The following TMEM14A variants were observed in gnomAD, a reference collection of about 807,000 sequenced individuals.
TMEM14A encodes transmembrane protein 14A.
TMEM14A carries 8 observed loss-of-function variants against 11.6 expected under a neutral mutation model. That is an observed-to-expected ratio of 0.69 (90% CI 0.40 to 1.24). The LOEUF is 1.24. TMEM14A is among the 50% of genes most tolerant of loss of function. The probability of loss-of-function intolerance (pLI) is 0.01; values close to 1 mark genes in which losing one functional copy is unlikely to be tolerated. For missense variants in TMEM14A, 108 were observed against 121.9 expected (o/e 0.89, Z 0.54); for synonymous variants, 34 against 45.5 (o/e 0.75, Z 1.02).
At chr6:52,681,760 T>C (rs960244564) in intron 2 of TMEM14A, 53 bp from the exon 3 acceptor site, 2 of 1,481,666 alleles carry the variant, frequency 1.3e-6, no homozygotes, top group Non-Finnish European at 9.4e-7. Context: ...ATGGAATGAA[T>C]TCCTTTCCTT....
At chr6:52,680,641 G>A (rs55844166) in intron 2 of TMEM14A, among the ~76,000 whole-genome samples, 236 of 19,120 alleles carry the variant, frequency 0.012, no homozygotes, top group Non-Finnish European at 0.024. Context: ...ATATATGTGT[G>A]TATATATATG....
intron 1 of TMEM14A, among the ~76,000 whole-genome samples, chr6:52,673,433 A>G (rs1264792973): frequency 6.7e-6 from 1 of 150,278 alleles, no homozygotes; most frequent in Non-Finnish European, 1.5e-5. Context: ...GATGTTTGCA[A>G]GCGGTTGTTT....
chr6:52,677,446 C>G (rs2127262789), intron 2 of TMEM14A, among the ~76,000 whole-genome samples: 1 of 151,320 alleles, frequency 6.6e-6, no homozygotes, highest in East Asian at 2.0e-4. Flanking sequence ...TTTAATCTCC[C>G]TCAGGACCAC....
At chr6:52,675,110 T>A (rs1356534755) in intron 1 of TMEM14A, among the ~76,000 whole-genome samples, 1 of 152,158 alleles carries the variant, frequency 6.6e-6, no homozygotes, top group Non-Finnish European at 1.5e-5. Context: ...CTCAAACTCC[T>A]GACCTGAAGT....
intron 1 of TMEM14A, 93 bp from the exon 2 acceptor site, chr6:52,676,994 A>G: frequency 8.3e-7 from 1 of 1,211,820 alleles, no homozygotes; most frequent in South Asian, 1.3e-5. Flanking sequence ...GTGGGGACAC[A>G]CAGCCAAACC....
At position 52,684,548 on chromosome 6, in the gene TMEM14A, A is replaced by C. The variant is rs1413833410; in HGVS notation, c.260+383A>C. Among the ~76,000 whole-genome samples, 3 of 152,224 alleles carry C rather than the reference A, an allele frequency of 2.0e-5. No homozygotes were observed. The East Asian group carries it at 5.8e-4, about 29-fold the overall frequency. ...GTGACAGTGTGATACAGTTATTTCA[A>C]GTTTTTAAGGGACAGAAATTTAATA... On this transcript the variant is annotated intron_variant, in intron 4 of 4. Transcript: ENST00000211314.
chr6:52,683,972 C>A, intron 3 of TMEM14A, 106 bp from the exon 4 acceptor site: 1 of 1,027,492 alleles, frequency 9.7e-7, no homozygotes, highest in Non-Finnish European at 1.4e-6. Context: ...CAGTACCTAT[C>A]CATAATAGTT....
Position 52,682,976 on chromosome 6 carries a change from A to AT in TMEM14A, c.172+1072dup, listed in dbSNP as rs916500171. Among the ~76,000 whole-genome samples the AT allele has an allele frequency of 1.9e-4, 28 of 149,656 alleles. 1 individual carries two copies. The highest frequency in any genetic ancestry group is 1.6e-3 in the East Asian group (8 of 5,134). On this transcript the variant is annotated intron_variant, in intron 3 of 4. Transcript: ENST00000211314. ...AAAACCAATCAGCCTTCTTTTTAGT[A>AT]TTTTTTTTTTATTAATCAGATCTTA...
At chr6:52,682,911 C>T (rs188153508) in intron 3 of TMEM14A, among the ~76,000 whole-genome samples, 4 of 152,198 alleles carry the variant, frequency 2.6e-5, no homozygotes, top group Admixed American at 6.5e-5. Flanking sequence ...ATTATTTAGT[C>T]TCCAGGCATC....
intron 1 of TMEM14A, among the ~76,000 whole-genome samples, chr6:52,672,662 C>G (rs1020965789): frequency 1.3e-5 from 2 of 152,142 alleles, no homozygotes; most frequent in African/African-American, 4.8e-5. Context: ...TGAGTCATCT[C>G]TGATTCACCC....
At position 52,684,274 on chromosome 6, in the gene TMEM14A, A is replaced by G. The variant is rs139392808; in HGVS notation, c.260+109A>G. ...AAAGATCAAAGTCCTTTTTGTTATA[A>G]TAAGCATGACAGTAAAAACCTTAAG... is the stretch of plus-strand genomic sequence containing the variant. On this transcript the variant is annotated intron_variant, in intron 4 of 4. Transcript: ENST00000211314. 1.6e-5 allele frequency: 16 copies of G among 987,604 alleles called. No homozygotes were observed. In the South Asian group the frequency reaches 2.0e-4, roughly 12 times the overall value. 61.2% of individuals were successfully genotyped at this position (987,604 alleles called of 1,614,324 possible).
rs1769491890 is a variant in TMEM14A, at chr6:52,686,261, G to A, written c.*212G>A. On this transcript the variant is annotated 3_prime_UTR_variant, in exon 5 of 5. Transcript: ENST00000211314. ...TTGTCAAGCACTATTTTCATTAAAA[G>A]TGTCTAATGAATCATGATATACTCT... 1.1e-5 allele frequency: 5 copies of A among 451,800 alleles called. No homozygotes were observed. Among genetic ancestry groups the A allele is most frequent in the Non-Finnish European group, 1.9e-5 (5 of 256,612 alleles). 28.0% of individuals were successfully genotyped at this position (451,800 alleles called of 1,614,324 possible). A position where few individuals can be genotyped will look rare whatever the true frequency, so the allele number is the denominator to read the frequency against.
intron 2 of TMEM14A, 109 bp from the exon 3 acceptor site, chr6:52,681,704 C>A: frequency 1.1e-6 from 1 of 894,388 alleles, no homozygotes; most frequent in Non-Finnish European, 1.8e-6. Flanking sequence ...AGTTACTGTG[C>A]CCAAGTAGGA....
chr6:52,675,643 G>T (rs1769242846), intron 1 of TMEM14A, among the ~76,000 whole-genome samples: 1 of 152,188 alleles, frequency 6.6e-6, no homozygotes, highest in Non-Finnish European at 1.5e-5. Flanking sequence ...ACTTCATGCT[G>T]GGGCTATATT....
chr6:52,677,496 A>G (rs114544601), intron 2 of TMEM14A, among the ~76,000 whole-genome samples: 15,044 of 150,876 alleles, frequency 0.1, 1,020 homozygotes, highest in Non-Finnish European at 0.15. Flanking sequence ...TTTGCTTTAC[A>G]TAATCGTGGT....
intron 2 of TMEM14A, among the ~76,000 whole-genome samples, chr6:52,678,547 G>A (rs1418326067): frequency 6.6e-6 from 1 of 152,086 alleles, no homozygotes; most frequent in Non-Finnish European, 1.5e-5. Flanking sequence ...AAGCCCCCAA[G>A]GGTATTATGG....
At chr6:52,681,200 T>C (rs1393884757) in intron 2 of TMEM14A, among the ~76,000 whole-genome samples, 2 of 151,912 alleles carry the variant, frequency 1.3e-5, no homozygotes, top group Non-Finnish European at 2.9e-5. Context: ...GGTTGGGGGC[T>C]GGGAGTGTAC....
Position 52,686,542 on chromosome 6 carries a change from C to T in TMEM14A, c.*493C>T, listed in dbSNP as rs753269041. 2.6e-6 allele frequency: 1 copy of T among 378,306 alleles called. No individual in the cohort carries two copies. The highest frequency in any genetic ancestry group is 4.7e-6 in the Non-Finnish European group (1 of 211,888). 23.4% of individuals were successfully genotyped at this position (378,306 alleles called of 1,614,324 possible). ...TTTATTCTTAGCACACTGTTATGTC[C>T]TAACTGAATGTATTCAGTATTCAAA... On this transcript the variant is annotated 3_prime_UTR_variant, in exon 5 of 5. Coordinates refer to ENST00000211314, the MANE Select transcript of TMEM14A (RefSeq NM_014051.4).
In TMEM14A at chr6:52,686,289, C is replaced by G. The variant is rs1042820664; in HGVS notation, c.*240C>G. On this transcript the variant is annotated 3_prime_UTR_variant, in exon 5 of 5. Coordinates refer to ENST00000211314, the MANE Select transcript of TMEM14A (RefSeq NM_014051.4). Reference sequence around the variant, plus strand: ...TCTAATGAATCATGATATACTCTTCCATTTGTTGTGTCTATTTTTTATATA... The same window carrying G: ...TCTAATGAATCATGATATACTCTTCGATTTGTTGTGTCTATTTTTTATATA... 9.8e-6 allele frequency: 4 copies of G among 406,658 alleles called. No individual in the cohort carries two copies. In the East Asian group the frequency reaches 1.4e-4, roughly 14 times the overall value. 25.2% of individuals were successfully genotyped at this position (406,658 alleles called of 1,614,324 possible).
Sources: gnomAD v4.1 joint callset for allele counts (sites outside exome capture counted in the v4.1 genomes callset) on GRCh38, gnomAD v4.1.1 for gene constraint, MANE v1.5 for transcripts, NCBI Gene and HGNC (gene_info 2026-07-23, HGNC 2026-07-21) for gene names.